The following MTMR10 variants were observed in gnomAD, a reference collection of about 807,000 sequenced individuals.
MTMR10 encodes myotubularin related protein 10.
MTMR10 carries 56 observed loss-of-function variants against 88.1 expected under a neutral mutation model. The ratio of observed to expected loss-of-function variants is 0.64; its 90% CI spans 0.51 to 0.79. The LOEUF (loss-of-function observed/expected upper bound fraction) is 0.79, where lower values mean the gene tolerates loss of function less well. Ranked by LOEUF, MTMR10 falls within the 30% of genes least tolerant of loss-of-function variation. MTMR10 has a pLI of 0.00. For missense variants in MTMR10, 883 were observed against 924.7 expected (o/e 0.95, Z 0.58); for synonymous variants, 380 against 340.9 (o/e 1.11, Z -1.26).
intron 2 of MTMR10, among the ~76,000 whole-genome samples, chr15:30,978,519 G>A (rs1161569292): frequency 1.3e-5 from 2 of 152,220 alleles, no homozygotes; most frequent in Admixed American, 1.3e-4. Context: ...GATAAGGGCT[G>A]TTTGGGTAAA....
At chr15:30,923,193 G>T in the MTMR10 span, among the ~76,000 whole-genome samples, 1 of 152,198 alleles carries the variant, frequency 6.6e-6, no homozygotes, top group South Asian at 2.1e-4. Flanking sequence ...CTGAAAAAGT[G>T]CCTTGTTACC....
At chr15:30,937,136 C>T (rs766350034), downstream of MTMR10, 1 of 1,612,690 alleles carries the variant, frequency 6.2e-7, no homozygotes, top group African/African-American at 1.3e-5. Flanking sequence ...AAGTTAAAGG[C>T]CCCAATGATC....
At chr15:30,966,858 C>CTTTTTTTTTTTTTTTTTTTTTTTTTTTTT (rs76851097) in intron 6 of MTMR10, among the ~76,000 whole-genome samples, 1 of 131,086 alleles carries the variant, frequency 7.6e-6, no homozygotes, top group Non-Finnish European at 1.6e-5. Context: ...ACTGTATTTT[C>CTTTTTTTTTTTTTTTTTTTTTTTTTTTTT]TTTTTTTTTT....
chr15:30,985,940 T>C (rs1258068252), intron 2 of MTMR10, among the ~76,000 whole-genome samples: 1 of 152,174 alleles, frequency 6.6e-6, no homozygotes, highest in African/African-American at 2.4e-5. Context: ...TTAACCTTGC[T>C]GGCCACACTG....
intron 12 of MTMR10, among the ~76,000 whole-genome samples, chr15:30,950,607 T>C (rs984382010): frequency 2.6e-5 from 4 of 151,850 alleles, no homozygotes; most frequent in Admixed American, 1.3e-4. Flanking sequence ...GAGGTGGAGG[T>C]TGCAGTGAGC....
At chr15:30,924,754 G>C in the MTMR10 span, among the ~76,000 whole-genome samples, 2 of 151,864 alleles carry the variant, frequency 1.3e-5, no homozygotes, top group African/African-American at 4.8e-5. Flanking sequence ...GTGGATCCGG[G>C]GTGGGACACA....
intron 2 of MTMR10, among the ~76,000 whole-genome samples, chr15:30,980,413 G>C (rs183662234): frequency 6.6e-6 from 1 of 152,258 alleles, no homozygotes; most frequent in East Asian, 1.9e-4. Flanking sequence ...GAACCCCGAG[G>C]GGCTAGATTA....
At position 30,953,623 on chromosome 15, in the gene MTMR10, C is replaced by T. The variant is rs942747312; in HGVS notation, c.1075G>A (p.Glu359Lys). The T allele has an allele frequency of 1.9e-6, 3 of 1,539,756 alleles. No individual in the cohort carries two copies. The highest frequency in any genetic ancestry group is 2.6e-6 in the Non-Finnish European group (3 of 1,135,962). ...LKQLCVNEPF[E>K]ETEEKWLSSL... ...GATAACCATTTCTCTTCAGTTTCTT[C>T]AAAAGGCTCTGTAATAAATTATATA... The change falls in exon 11 of 16, where the codon GAA (glutamate) becomes AAA (lysine). Residue 359 changes from glutamate (E) to lysine (K), a missense_variant. By Grantham distance (56) the Glu-to-Lys change is moderately conservative (BLOSUM62 1). Transcript: ENST00000435680.
chr15:30,969,387 A>G (rs1271545594), intron 5 of MTMR10, among the ~76,000 whole-genome samples: 4 of 152,092 alleles, frequency 2.6e-5, no homozygotes, highest in Non-Finnish European at 5.9e-5. Flanking sequence ...CCCATTCCTA[A>G]TCTTTTTAAC....
chr15:30,954,728 T>C lies in MTMR10; in HGVS notation c.1066+35A>G, dbSNP rs760634406. 6.5e-6 allele frequency: 10 copies of C among 1,550,186 alleles called. No homozygotes were observed. In the Admixed American group the frequency reaches 2.1e-4, roughly 32 times the overall value. ...ACATCTCATGCAACTCTGTATCCTG[T>C]GTTCATTATATATATGAAATAAGAA... On this transcript the variant is annotated intron_variant, in intron 10 of 15. Transcript: ENST00000435680.
In MTMR10 at chr15:30,974,447, TG is replaced by T; in HGVS notation, c.340del (p.His114ThrfsTer8). ...GCCTAGGACTTTCTGCTTCCTCTTGTGGTCGTTTACTAAAAAAGAAAAAAAA... is the reference window on the plus strand; with the variant it reads ...GCCTAGGACTTTCTGCTTCCTCTTGTGTCGTTTACTAAAAAAGAAAAAAAA... The part of the protein sequence containing the change: ...CIEQIVTVND[H>X]KRKQKVLGPN... On this transcript the variant is annotated frameshift_variant, in exon 5 of 16. Coordinates refer to ENST00000435680, the MANE Select transcript of MTMR10 (RefSeq NM_017762.3). LOFTEE classifies it high-confidence loss of function. 6.5e-7 allele frequency: 1 copy of T among 1,538,566 alleles called. No homozygotes were observed. The highest frequency in any genetic ancestry group is 1.3e-5 in the South Asian group (1 of 77,308).
intron 9 of MTMR10, among the ~76,000 whole-genome samples, chr15:30,958,512 C>CTT (rs1406136653): frequency 6.6e-6 from 1 of 152,176 alleles, no homozygotes; most frequent in African/African-American, 2.4e-5. Context: ...ATGTGTAGAC[C>CTT]TAAATAAGAC....
rs1209761580 is a variant in MTMR10 at position 30,941,661 on chromosome 15, T to G, written c.2143A>C (p.Arg715=). 3 of 1,612,970 alleles carry G rather than the reference T, an allele frequency of 1.9e-6. No individual in the cohort carries two copies. The highest frequency in any genetic ancestry group is 2.5e-6 in the Non-Finnish European group (3 of 1,179,442). ...EACYGELGQS[R]MYFNASGPHH... ...GGGCCGCTGGCGTTGAAGTACATCC[T>G]GCTCTGGCCCAGCTCCCCATAGCAG... The change falls in exon 16 of 16, where the codon AGG becomes CGG. Residue 715 remains arginine (R), a synonymous_variant. Transcript: ENST00000435680.
chr15:30,922,270 G>C, the MTMR10 span: 39 of 1,613,482 alleles, frequency 2.4e-5, no homozygotes, highest in South Asian at 3.9e-4. Context: ...TTTTGTCTCA[G>C]AGAATTTATT....
At chr15:30,943,849 T>C (rs1482157390) in intron 14 of MTMR10, 3 of 985,322 alleles carry the variant, frequency 3.0e-6, no homozygotes, top group Non-Finnish European at 2.4e-6. Flanking sequence ...CAGTCACATT[T>C]AGCAATGTGG....
chr15:30,931,738 G>T, the MTMR10 span, among the ~76,000 whole-genome samples: 1 of 152,028 alleles, frequency 6.6e-6, no homozygotes, highest in Non-Finnish European at 1.5e-5. Flanking sequence ...CCATATATAT[G>T]TGGGTCTGTT....
chr15:30,939,599 A>C lies in MTMR10; in HGVS notation c.*1871T>G. 1.1e-6 allele frequency: 1 copy of C among 927,620 alleles called. No homozygotes were observed. The highest frequency in any genetic ancestry group is 1.3e-6 in the Non-Finnish European group (1 of 777,400). The allele number at this position is 927,620 out of a possible 1,614,324, so 57.5% of individuals were successfully genotyped here. On this transcript the variant is annotated 3_prime_UTR_variant, in exon 16 of 16. Coordinates refer to ENST00000435680, the MANE Select transcript of MTMR10 (RefSeq NM_017762.3). ...CATTTTTCTATTTTTAACCATTATT[A>C]ATAGTACCTAATATTTTTAAACTTG...
intron 5 of MTMR10, among the ~76,000 whole-genome samples, chr15:30,972,340 AC>A (rs1335643370): frequency 6.6e-6 from 1 of 152,074 alleles, no homozygotes; most frequent in Non-Finnish European, 1.5e-5. Context: ...TCCCAAAAAA[AC>A]TATTTATATT....
chr15:30,937,278 T>C, downstream of MTMR10: 2 of 1,592,544 alleles, frequency 1.3e-6, no homozygotes, highest in South Asian at 2.3e-5. Flanking sequence ...TTGGGGATAT[T>C]TGGTCATACA....
Sources: allele counts gnomAD v4.1 joint callset (sites outside exome capture counted in the v4.1 genomes callset), GRCh38; gene constraint gnomAD v4.1.1; transcripts MANE v1.5; gene names NCBI Gene and HGNC (gene_info 2026-07-23, HGNC 2026-07-21).